The following MEAF6 variants were observed in gnomAD, a reference collection of about 807,000 sequenced individuals.
The protein encoded by MEAF6 is MYST/Esa1 associated factor 6.
A neutral mutation model predicts 28.9 loss-of-function variants in MEAF6; 15 were observed. The ratio of observed to expected loss-of-function variants is 0.52; its 90% CI spans 0.35 to 0.80. MEAF6 has a LOEUF of 0.80. Among genes scored for constraint, MEAF6 ranks in the 30% least tolerant of loss-of-function variants. MEAF6 has a pLI of 0.01. For missense variants in MEAF6, 178 were observed against 237.5 expected, an observed-to-expected ratio of 0.75 and a Z score of 1.65; for synonymous variants, 97 against 88.7, an observed-to-expected ratio of 1.09 and a Z score of -0.53.
chr1:37,497,675 T>C (rs1642166943), intron 5 of MEAF6, among the ~76,000 whole-genome samples: 1 of 152,082 alleles, frequency 6.6e-6, no homozygotes, highest in Non-Finnish European at 1.5e-5. Context: ...CACTGTAACC[T>C]CCGCCTCCTG....
chr1:37,494,143 C>T (rs763161480), intron 6 of MEAF6, 36 bp from the exon 7 acceptor site: 10 of 1,579,164 alleles, frequency 6.3e-6, no homozygotes, highest in Admixed American at 3.4e-5. Flanking sequence ...AACTTACTCT[C>T]GGCAGAACAG....
rs199695721 is a variant in MEAF6, at chr1:37,495,333, AAAATAAATAAAT to A, written c.567+540_567+551del. Reference sequence around the variant, plus strand: ...GCAACAGAGCAAGACTCCGTCTCAAAAAATAAATAAATAAATAAATAAATAAATAAATAAATA... The same window carrying A: ...GCAACAGAGCAAGACTCCGTCTCAAAAAATAAATAAATAAATAAATAAATA... On this transcript the variant is annotated intron_variant, in intron 6 of 6. Coordinates refer to ENST00000296214, the MANE Select transcript of MEAF6 (RefSeq NM_001270875.3). Among the ~76,000 whole-genome samples, 894 of 138,514 alleles carry A rather than the reference AAAATAAATAAAT, an allele frequency of 6.5e-3. 1 individual carries two copies. Among genetic ancestry groups the A allele is most frequent in the African/African-American group, 0.013 (496 of 37,738 alleles). The allele number at this position is 138,514 out of a possible 152,430, so 90.9% of individuals were successfully genotyped here.
At chr1:37,510,528 C>T (rs974796947) in intron 2 of MEAF6, among the ~76,000 whole-genome samples, 3 of 150,474 alleles carry the variant, frequency 2.0e-5, no homozygotes, top group Non-Finnish European at 4.4e-5. Flanking sequence ...ACTACAGGCG[C>T]ACCCCACCAT....
intron 5 of MEAF6, among the ~76,000 whole-genome samples, chr1:37,500,002 A>G (rs1642245272): frequency 6.6e-6 from 1 of 152,194 alleles, no homozygotes. Context: ...TAAGAAAATA[A>G]TCACTACTTT....
chr1:37,506,181 G>C (rs1283142136), intron 4 of MEAF6, among the ~76,000 whole-genome samples: 1 of 151,914 alleles, frequency 6.6e-6, no homozygotes, highest in Non-Finnish European at 1.5e-5. Flanking sequence ...TGAGGCAAGA[G>C]AATCTCTTGA....
At position 37,496,866 on chromosome 1, in the gene MEAF6, A is replaced by G. The variant is rs1642142774; in HGVS notation, c.534-948T>C. 11 of 909,134 alleles carry G rather than the reference A, an allele frequency of 1.2e-5. No homozygotes were observed. The South Asian group carries it at 2.8e-4, about 23-fold the overall frequency. The allele number at this position is 909,134 out of a possible 1,614,324, so 56.3% of individuals were successfully genotyped here. A position where few individuals can be genotyped will look rare whatever the true frequency, so the allele number is the denominator to read the frequency against. ...CTTTAAGAATCTTAAGCAACAAAGT[A>G]TCAAACATCAAAGCACCAAAGATTT... On this transcript the variant is annotated intron_variant, in intron 5 of 6. Transcript: ENST00000296214.
chr1:37,506,078 C>CTGAACAGAG (rs1470717125), intron 4 of MEAF6, among the ~76,000 whole-genome samples: 1 of 152,200 alleles, frequency 6.6e-6, no homozygotes, highest in Non-Finnish European at 1.5e-5. Context: ...CAAGACCAGC[C>CTGAACAGAG]TGGCTAACAG....
In MEAF6 at chr1:37,514,689, C is replaced by T; in HGVS notation, c.58G>A (p.Ala20Thr). 6.5e-7 allele frequency: 1 copy of T among 1,545,004 alleles called. No homozygotes were observed. Among genetic ancestry groups the T allele is most frequent in the East Asian group, 2.7e-5 (1 of 37,490 alleles). ...PQIPDTRREL[A>T]ELVKRKQELA... ...TCCTGCTTCCGCTTCACGAGCTCCG[C>T]CAGCTCCCGCCGGGTGTCCGGGATC... is the stretch of plus-strand genomic sequence containing the variant. Residue 20 changes from alanine (A) to threonine (T), a missense_variant, in exon 1 of 7, where the codon GCG becomes ACG. By Grantham distance (58) the Ala-to-Thr change is moderately conservative (BLOSUM62 0). This residue lies in a region of MEAF6 where 54 missense variants were observed against 37.0 expected (regional missense o/e 1.46). Coordinates refer to ENST00000296214, the MANE Select transcript of MEAF6 (RefSeq NM_001270875.3).
intron 5 of MEAF6, among the ~76,000 whole-genome samples, chr1:37,497,576 G>GTATTTATT (rs58313664): frequency 0.047 from 7,088 of 149,784 alleles, 222 homozygotes; most frequent in Non-Finnish European, 0.064. Flanking sequence ...TGCAGCACCC[G>GTATTTATT]TATTTATTTA....
intron 4 of MEAF6, among the ~76,000 whole-genome samples, chr1:37,507,400 A>C (rs1642521531): frequency 6.6e-6 from 1 of 151,968 alleles, no homozygotes; most frequent in South Asian, 2.1e-4. Flanking sequence ...GGTGTTCCTT[A>C]ACCAGTTTAG....
At chr1:37,494,768 T>C (rs1431754227) in intron 6 of MEAF6, among the ~76,000 whole-genome samples, 1 of 151,548 alleles carries the variant, frequency 6.6e-6, no homozygotes, top group South Asian at 2.1e-4. Context: ...GAGGCAGAGG[T>C]TGCAGTGAGC....
intron 2 of MEAF6, among the ~76,000 whole-genome samples, chr1:37,510,040 A>G (rs190195804): frequency 4.0e-4 from 60 of 150,942 alleles, no homozygotes; most frequent in Admixed American, 1.2e-3. Flanking sequence ...GCCTCCTAAA[A>G]TGCTGGGATT....
intron 1 of MEAF6, chr1:37,513,905 A>G (rs949592802): frequency 2.5e-5 from 7 of 283,396 alleles, no homozygotes; most frequent in African/African-American, 1.1e-4. Context: ...AAAGGTGAGC[A>G]GCCTTTCAGC....
intron 5 of MEAF6, among the ~76,000 whole-genome samples, chr1:37,499,442 G>A (rs1406144678): frequency 6.6e-6 from 1 of 152,190 alleles, no homozygotes; most frequent in East Asian, 1.9e-4. Flanking sequence ...GTCAGCAGTA[G>A]TAAGGGACTT....
At chr1:37,498,917 G>A (rs1017850980) in intron 5 of MEAF6, among the ~76,000 whole-genome samples, 1 of 152,058 alleles carries the variant, frequency 6.6e-6, no homozygotes, top group African/African-American at 2.4e-5. Flanking sequence ...ACTTTGGGAG[G>A]CCGAGGCAGG....
intron 4 of MEAF6, among the ~76,000 whole-genome samples, chr1:37,503,729 C>T (rs545465926): frequency 3.9e-4 from 59 of 150,934 alleles, no homozygotes; most frequent in African/African-American, 1.2e-3. Flanking sequence ...TTTGGGAGGC[C>T]GAGGTGGGTG....
chr1:37,490,415 AC>A lies in MEAF6; in HGVS notation c.*3683del, dbSNP rs1323748249. On this transcript the variant is annotated 3_prime_UTR_variant, in exon 7 of 7. Transcript: ENST00000296214. ...TATCATTGTATCTGACACACACATC[AC>A]CTTCCTAGGCACTATGACACTATCC... 6.6e-6 allele frequency among the ~76,000 whole-genome samples: 1 copy of A among 152,042 alleles called. No individual in the cohort carries two copies. The highest frequency in any genetic ancestry group is 2.4e-5 in the African/African-American group (1 of 41,370).
At chr1:37,510,101 G>A (rs1336378961) in intron 2 of MEAF6, among the ~76,000 whole-genome samples, 6 of 136,030 alleles carry the variant, frequency 4.4e-5, no homozygotes, top group Admixed American at 7.8e-5. Flanking sequence ...TTTTTGAGAC[G>A]CAGTCTCGCC....
chr1:37,514,663 C>T lies in MEAF6; in HGVS notation c.84G>A (p.Glu28=), dbSNP rs771762341. Residue 28 remains glutamate, a synonymous_variant, in exon 1 of 7, where the codon GAG becomes GAA. Coordinates refer to ENST00000296214, the MANE Select transcript of MEAF6 (RefSeq NM_001270875.3). ...ELAELVKRKQ[E]LAETLANLER... Reference sequence around the variant, plus strand: ...CCCTGTCCTAGCCCCTCACCGCCAGCTCCTGCTTCCGCTTCACGAGCTCCG... The same window carrying T: ...CCCTGTCCTAGCCCCTCACCGCCAGTTCCTGCTTCCGCTTCACGAGCTCCG... 1.9e-6 allele frequency: 3 copies of T among 1,539,380 alleles called. No individual in the cohort carries two copies. The highest frequency in any genetic ancestry group is 1.7e-6 in the Non-Finnish European group (2 of 1,147,858).
Sources: allele counts gnomAD v4.1 joint callset (sites outside exome capture counted in the v4.1 genomes callset), GRCh38; gene constraint gnomAD v4.1.1; regional missense constraint gnomAD v4.1.1; transcripts MANE v1.5; gene names NCBI Gene and HGNC (gene_info 2026-07-23, HGNC 2026-07-21).